Variants in ZC3H13 observed in about 807,000 individuals in gnomAD.
ZC3H13 encodes zinc finger CCCH domain-containing protein 13.
In ZC3H13, 64 loss-of-function variants were observed where a neutral mutation model predicts 204.1. The ratio of observed to expected loss-of-function variants is 0.31; its 90% confidence interval spans 0.26 to 0.39. The LOEUF is 0.39. Ranked by LOEUF, ZC3H13 falls within the 10% of genes least tolerant of loss-of-function variation. The pLI is 1.00. For synonymous variants in ZC3H13, 667 were observed against 693.7 expected (o/e 0.96, Z 0.60); for missense variants, 1,833 against 2,082.7 (o/e 0.88, Z 2.33).
intron 4 of ZC3H13, among the ~76,000 whole-genome samples, chr13:46,031,793 T>C (rs1231854457): frequency 6.6e-6 from 1 of 152,198 alleles, no homozygotes; most frequent in Non-Finnish European, 1.5e-5. Flanking sequence ...GCTGGCAGGA[T>C]GTGGAGCAAT....
intron 4 of ZC3H13, among the ~76,000 whole-genome samples, chr13:46,027,843 T>A (rs1408659718): frequency 6.6e-6 from 1 of 151,832 alleles, no homozygotes; most frequent in Admixed American, 6.6e-5. Flanking sequence ...GAACAAAGAA[T>A]CACATAAATG....
rs978612831 is a variant in ZC3H13, at chr13:46,003,582, T to C, written c.747-246A>G. 5.9e-5 allele frequency among the ~76,000 whole-genome samples: 9 copies of C among 152,138 alleles called. 1 individual carries two copies. Among genetic ancestry groups the C allele is most frequent in the Admixed American group, 3.3e-4 (5 of 15,268 alleles). ...AAAGGGGCAGGTTTCTGAGAAAAGATAGAGGTGAAATAGGAAGACACTTTC... is the reference window on the plus strand; with the variant it reads ...AAAGGGGCAGGTTTCTGAGAAAAGACAGAGGTGAAATAGGAAGACACTTTC... On this transcript the variant is annotated intron_variant, in intron 7 of 18. Coordinates refer to ENST00000679008, the MANE Select transcript of ZC3H13 (RefSeq NM_001330564.2).
intron 1 of ZC3H13, 79 bp downstream of exon 1, chr13:46,052,325 G>T (rs80301570): frequency 1.0e-5 from 4 of 390,528 alleles, no homozygotes; most frequent in East Asian, 7.3e-5. Flanking sequence ...AAAGACGGGG[G>T]GGGGTAACCC....
At chr13:45,962,153 T>C (rs147340582) in intron 17 of ZC3H13, 9 of 985,006 alleles carry the variant, frequency 9.1e-6, no homozygotes, top group African/African-American at 1.7e-5. Flanking sequence ...GCAGAAAATA[T>C]AGATAGATAA....
chr13:46,034,756 T>A (rs7332107), intron 4 of ZC3H13, among the ~76,000 whole-genome samples: 113,031 of 151,120 alleles, frequency 0.75, 42,690 homozygotes, highest in African/African-American at 0.84. Context: ...AAAGTAAATT[T>A]AAAAAAAAGG....
At chr13:45,980,988 A>T (rs762656046) in intron 10 of ZC3H13, among the ~76,000 whole-genome samples, 8 of 152,234 alleles carry the variant, frequency 5.3e-5, no homozygotes, top group Non-Finnish European at 8.8e-5. Flanking sequence ...TTAGATGTTA[A>T]CACTGGAGAA....
chr13:46,033,789 A>T (rs2043043836), intron 4 of ZC3H13, among the ~76,000 whole-genome samples: 1 of 152,136 alleles, frequency 6.6e-6, no homozygotes, highest in South Asian at 2.1e-4. Flanking sequence ...ACTACAGAGG[A>T]TTACTAAAGT....
Position 45,975,817 on chromosome 13 carries a change from A to C in ZC3H13, c.1934T>G (p.Ile645Ser), listed in dbSNP as rs759262036. 4.3e-6 allele frequency: 7 copies of C among 1,612,234 alleles called. No homozygotes were observed. The highest frequency in any genetic ancestry group is 5.9e-6 in the Non-Finnish European group (7 of 1,178,688). ...CTCGTCATTCCTTCCCTGATGTCGAATTGGTGAGCTTGGTCTTTGATCTAC... is the reference window on the plus strand; with the variant it reads ...CTCGTCATTCCTTCCCTGATGTCGACTTGGTGAGCTTGGTCTTTGATCTAC... ...RERDQRPSSP[I>S]RHQGRNDELE... The change falls in exon 12 of 19, where the codon ATT (isoleucine) becomes AGT (serine). Residue 645 changes from isoleucine (I) to serine (S), a missense_variant. This residue lies in a region of ZC3H13 where 1,574 missense variants were observed against 1,757.2 expected (regional missense o/e 0.90). Coordinates refer to ENST00000679008, the MANE Select transcript of ZC3H13 (RefSeq NM_001330564.2).
At chr13:45,994,275 T>C (rs576331438) in intron 8 of ZC3H13, among the ~76,000 whole-genome samples, 1 of 152,358 alleles carries the variant, frequency 6.6e-6, no homozygotes, top group Non-Finnish European at 1.5e-5. Context: ...ATCAGTAAAG[T>C]TTCCAGTTAA....
rs1226918289 is a variant in ZC3H13 at position 45,969,999 on chromosome 13, T to C, written c.2573-28A>G. The C allele has an allele frequency of 1.9e-6, 3 of 1,574,278 alleles. No homozygotes were observed. In the African/African-American group the frequency reaches 4.1e-5, roughly 21 times the overall value. On this transcript the variant is annotated intron_variant, in intron 13 of 18. Coordinates refer to ENST00000679008, the MANE Select transcript of ZC3H13 (RefSeq NM_001330564.2). ...ATATAAAAGATAAAAGCAATCACAC[T>C]CTCACCAGGTTAGTAACCACTGCAT...
In ZC3H13 at chr13:45,967,615, T is replaced by C. The variant is rs560341875; in HGVS notation, c.4210A>G (p.Ser1404Gly). ...LEGEHERDLE[S>G]TSRDSLALDK... is the part of the protein sequence containing the mutation. The stretch of plus-strand genomic sequence containing the variant: ...AAGGCTAGAGAGTCTCGGGAAGTGC[T>C]TTCTAGATCCCTTTCATGTTCACCT... The change falls in exon 15 of 19, where the codon AGC (serine) becomes GGC (glycine). Residue 1404 changes from serine (S) to glycine (G), a missense_variant. Ser to Gly is a moderately conservative substitution (Grantham distance 56). Around this residue, in one of 5 missense-constraint regions of ZC3H13, gnomAD observed 1,574 missense variants for 1,757.2 expected, o/e 0.90. Coordinates refer to ENST00000679008, the MANE Select transcript of ZC3H13 (RefSeq NM_001330564.2). 4.9e-5 allele frequency: 79 copies of C among 1,614,152 alleles called. 1 individual carries two copies. In the Middle Eastern group the frequency reaches 4.1e-3, roughly 84 times the overall value.
intron 11 of ZC3H13, 152 bp from the exon 12 acceptor site, chr13:45,975,990 AG>A: frequency 7.4e-7 from 1 of 1,357,926 alleles, no homozygotes; most frequent in Non-Finnish European, 9.6e-7. Context: ...TTAATATCCA[AG>A]TAACAATCGC....
Position 45,969,169 on chromosome 13 carries a change from A to G in ZC3H13, c.3375T>C (p.Ala1125=). The G allele has an allele frequency of 6.2e-7, 1 of 1,614,116 alleles. No homozygotes were observed. Among genetic ancestry groups the G allele is most frequent in the South Asian group, 1.1e-5 (1 of 91,084 alleles). Residue 1125 remains alanine (A), a synonymous_variant, in exon 14 of 19, where the codon GCT becomes GCC. Coordinates refer to ENST00000679008, the MANE Select transcript of ZC3H13 (RefSeq NM_001330564.2). ...CAGATGTGCTGAAAGAGGTGGCGGC[A>G]GCAGCAGTAGTGGCAGCAAGAGTTG... ...VPATLAATTA[A]AATSFSTSAI...
intron 13 of ZC3H13, 146 bp from the exon 14 acceptor site, chr13:45,970,117 G>T: frequency 9.3e-7 from 1 of 1,076,246 alleles, no homozygotes; most frequent in Non-Finnish European, 1.3e-6. Context: ...AAGAGATCAA[G>T]ATCATTTAAA....
intron 17 of ZC3H13, among the ~76,000 whole-genome samples, chr13:45,960,108 C>T (rs1037628901): frequency 6.6e-6 from 1 of 151,982 alleles, no homozygotes; most frequent in Non-Finnish European, 1.5e-5. Flanking sequence ...TACACCACCA[C>T]ACCTGGCTAA....
intron 1 of ZC3H13, among the ~76,000 whole-genome samples, chr13:46,046,897 A>T (rs1043725685): frequency 6.6e-6 from 1 of 152,206 alleles, no homozygotes; most frequent in Admixed American, 6.5e-5. Flanking sequence ...AAACTGCCTC[A>T]TAAGGGGAAG....
intron 5 of ZC3H13, among the ~76,000 whole-genome samples, chr13:46,014,970 G>A (rs1007411038): frequency 1.3e-5 from 2 of 152,112 alleles, no homozygotes; most frequent in Non-Finnish European, 2.9e-5. Flanking sequence ...AAAGACAGAT[G>A]AACTGTTTCC....
intron 14 of ZC3H13, 42 bp from the exon 15 acceptor site, chr13:45,968,070 A>T: frequency 6.7e-7 from 1 of 1,501,824 alleles, no homozygotes; most frequent in Non-Finnish European, 8.9e-7. Flanking sequence ...TTAGCACATG[A>T]TAAAATAGAA....
At chr13:46,030,260 A>T (rs1023735541) in intron 4 of ZC3H13, among the ~76,000 whole-genome samples, 1 of 152,220 alleles carries the variant, frequency 6.6e-6, no homozygotes, top group African/African-American at 2.4e-5. Context: ...AAAAAACCCT[A>T]CGGCTAACGT....
Sources: allele counts gnomAD v4.1 joint callset (sites outside exome capture counted in the v4.1 genomes callset), GRCh38; gene constraint gnomAD v4.1.1; regional missense constraint gnomAD v4.1.1; transcripts MANE v1.5; gene names NCBI Gene and HGNC (gene_info 2026-07-23, HGNC 2026-07-21).